Variants in B3GALT1 observed in about 807,000 individuals in gnomAD.
B3GALT1 encodes UDP-Gal:betaGlcNAc beta 1,3-galactosyltransferase, polypeptide 1.
B3GALT1 carries 10 observed loss-of-function variants against 23.2 expected under a neutral mutation model. That is an observed-to-expected ratio of 0.43 (90% CI 0.27 to 0.73). B3GALT1 has a LOEUF of 0.73. Ranked by LOEUF, B3GALT1 falls within the 30% of genes least tolerant of loss-of-function variation. The pLI, the probability that B3GALT1 is intolerant of heterozygous loss-of-function variation, is 0.21. For synonymous variants in B3GALT1, 156 were observed against 141.5 expected (o/e 1.10, Z -0.73); for missense variants, 299 against 405.4 (o/e 0.74, Z 2.25).
chr2:167,377,996 C>A (rs1381696782), intron 1 of B3GALT1, among the ~76,000 whole-genome samples: 1 of 152,124 alleles, frequency 6.6e-6, no homozygotes, highest in African/African-American at 2.4e-5. Flanking sequence ...CCTTAGGCAT[C>A]CCTTGTAAGG....
chr2:167,718,752 GA>G (rs1687189274), intron 3 of B3GALT1, among the ~76,000 whole-genome samples: 1 of 135,414 alleles, frequency 7.4e-6, no homozygotes, highest in South Asian at 2.4e-4. Flanking sequence ...GGTCAGGGGA[GA>G]TTTAGCAAGG....
At chr2:167,708,226 G>A (rs1228045737) in intron 3 of B3GALT1, among the ~76,000 whole-genome samples, 1 of 152,212 alleles carries the variant, frequency 6.6e-6, no homozygotes, top group African/African-American at 2.4e-5. Flanking sequence ...TTTACCTGAA[G>A]TGTGAGGAGA....
At chr2:167,755,976 T>TA (rs1006614142) in intron 3 of B3GALT1, among the ~76,000 whole-genome samples, 2 of 151,828 alleles carry the variant, frequency 1.3e-5, no homozygotes, top group Non-Finnish European at 2.9e-5. Flanking sequence ...CCTCGTCTCT[T>TA]AAAAAAACAA....
intron 2 of B3GALT1, among the ~76,000 whole-genome samples, chr2:167,574,633 T>C (rs1347609993): frequency 6.6e-6 from 1 of 151,696 alleles, no homozygotes; most frequent in East Asian, 1.9e-4. Flanking sequence ...ATTTTCTGTA[T>C]TAAGCTCAAA....
intron 3 of B3GALT1, among the ~76,000 whole-genome samples, chr2:167,719,178 T>A (rs895335107): frequency 3.3e-5 from 5 of 152,248 alleles, no homozygotes; most frequent in Non-Finnish European, 7.3e-5. Flanking sequence ...TTAGAGAGTT[T>A]GAAATTATCC....
At chr2:167,654,327 C>A (rs1478748942) in intron 3 of B3GALT1, among the ~76,000 whole-genome samples, 1 of 152,140 alleles carries the variant, frequency 6.6e-6, no homozygotes, top group East Asian at 1.9e-4. Flanking sequence ...CTCCTTATTA[C>A]CAGCTTCTGC....
Position 167,433,820 on chromosome 2 carries a change from G to GGAGGCT in B3GALT1, c.-510-56352_-510-56347dup, listed in dbSNP as rs1254806532. On this transcript the variant is annotated intron_variant, in intron 1 of 4. Coordinates refer to ENST00000392690, the MANE Select transcript of B3GALT1 (RefSeq NM_020981.4). ...TCACGCCTGTAATTACAGCACTTGG[G>GGAGGCT]GAGGCTGAGGTGGGAAGAGATTGCT... 5.9e-5 allele frequency among the ~76,000 whole-genome samples: 9 copies of GGAGGCT among 152,270 alleles called. No individual in the cohort carries two copies. In the South Asian group the frequency reaches 1.7e-3, roughly 28 times the overall value.
At chr2:167,521,481 T>C (rs1015333328) in intron 2 of B3GALT1, among the ~76,000 whole-genome samples, 17 of 152,172 alleles carry the variant, frequency 1.1e-4, no homozygotes, top group Non-Finnish European at 2.2e-4. Context: ...AACTAACTAC[T>C]ATCCAAATCT....
intron 4 of B3GALT1, among the ~76,000 whole-genome samples, chr2:167,857,104 T>C (rs963942118): frequency 6.6e-6 from 1 of 152,168 alleles, no homozygotes; most frequent in African/African-American, 2.4e-5. Context: ...TTCTGTTGAC[T>C]GACAACCCTA....
intron 3 of B3GALT1, among the ~76,000 whole-genome samples, chr2:167,726,980 G>A (rs1411727435): frequency 6.6e-6 from 1 of 152,230 alleles, no homozygotes; most frequent in Non-Finnish European, 1.5e-5. Context: ...GACTGATTGA[G>A]TACAGGTGTA....
intron 1 of B3GALT1, among the ~76,000 whole-genome samples, chr2:167,333,659 A>C (rs1697011249): frequency 1.3e-5 from 2 of 152,052 alleles, no homozygotes. Context: ...GTAACAGGAT[A>C]AAGCATCTCA....
chr2:167,314,782 C>T (rs990308658), intron 1 of B3GALT1, among the ~76,000 whole-genome samples: 3 of 151,936 alleles, frequency 2.0e-5, no homozygotes, highest in African/African-American at 7.3e-5. Context: ...TTTTAAAGCC[C>T]TTTGAGATTC....
Position 167,660,790 on chromosome 2 carries a change from C to G in B3GALT1, c.-352+13824C>G, listed in dbSNP as rs77425933. Reference sequence around the variant, plus strand: ...AGCTTATCAAACGATTTTCACATAACTATAGGTTGACAGTGATTGTACGAT... The same window carrying G: ...AGCTTATCAAACGATTTTCACATAAGTATAGGTTGACAGTGATTGTACGAT... On this transcript the variant is annotated intron_variant, in intron 3 of 4. Transcript: ENST00000392690. Among the ~76,000 whole-genome samples, 34 of 152,152 alleles carry G rather than the reference C, an allele frequency of 2.2e-4. No individual in the cohort carries two copies. The East Asian group carries it at 6.6e-3, about 29-fold the overall frequency.
rs182119471 is a variant in B3GALT1, at chr2:167,684,043, G to A, written c.-352+37077G>A. On this transcript the variant is annotated intron_variant, in intron 3 of 4. Coordinates refer to ENST00000392690, the MANE Select transcript of B3GALT1 (RefSeq NM_020981.4). Reference sequence around the variant, plus strand: ...AACCTTTCTGTCTTCTACTACCTAGGTTAATCGACACCCTCTGTGTCTTCC... The same window carrying A: ...AACCTTTCTGTCTTCTACTACCTAGATTAATCGACACCCTCTGTGTCTTCC... Among the ~76,000 whole-genome samples, 933 of 152,174 alleles carry A rather than the reference G, an allele frequency of 6.1e-3. 5 individuals are homozygous for A. Among genetic ancestry groups the A allele is most frequent in the Non-Finnish European group, 0.01 (682 of 68,020 alleles).
chr2:167,486,367 A>AAAAAAAG (rs1306262606), intron 1 of B3GALT1, among the ~76,000 whole-genome samples: 1 of 150,808 alleles, frequency 6.6e-6, no homozygotes, highest in East Asian at 2.0e-4. Flanking sequence ...CAAAAAAAAA[A>AAAAAAAG]AAAAGAAAAG....
chr2:167,853,030 A>C (rs775331085), intron 4 of B3GALT1, among the ~76,000 whole-genome samples: 8 of 152,230 alleles, frequency 5.3e-5, no homozygotes, highest in Non-Finnish European at 1.0e-4. Flanking sequence ...GCAATTGAAA[A>C]ATTAACCTAT....
In B3GALT1 at chr2:167,614,232, A is replaced by G. The variant is rs186547032; in HGVS notation, c.-409-32677A>G. Among the ~76,000 whole-genome samples the G allele has an allele frequency of 4.9e-4, 74 of 151,792 alleles. No homozygotes were observed. The East Asian group carries it at 0.013, about 27-fold the overall frequency. On this transcript the variant is annotated intron_variant, in intron 2 of 4. Transcript: ENST00000392690. ...CTATGCTTGTTTATACAAAAATTCA[A>G]TGTCCCACACTATAGTATATGTCAT... is the stretch of plus-strand genomic sequence containing the variant.
At chr2:167,342,102 G>A (rs960094390) in intron 1 of B3GALT1, among the ~76,000 whole-genome samples, 1 of 152,116 alleles carries the variant, frequency 6.6e-6, no homozygotes, top group African/African-American at 2.4e-5. Flanking sequence ...TAAAGTCTTT[G>A]AAGGCATCCA....
intron 4 of B3GALT1, among the ~76,000 whole-genome samples, chr2:167,823,486 C>T (rs1337808901): frequency 6.6e-6 from 1 of 152,120 alleles, no homozygotes; most frequent in Non-Finnish European, 1.5e-5. Flanking sequence ...TTAGGAATGC[C>T]ATTTTCTCAT....
Sources: gnomAD v4.1 joint callset for allele counts (sites outside exome capture counted in the v4.1 genomes callset) on GRCh38, gnomAD v4.1.1 for gene constraint, MANE v1.5 for transcripts, NCBI Gene and HGNC (gene_info 2026-07-23, HGNC 2026-07-21) for gene names.